Variants in SYK observed in about 807,000 individuals in gnomAD.
SYK encodes the protein tyrosine-protein kinase SYK.
A neutral mutation model predicts 77.8 loss-of-function variants in SYK; 16 were observed. The observed-to-expected ratio is 0.21, with a 90% CI of 0.14 to 0.31. SYK has a LOEUF of 0.31. Among genes scored for constraint, SYK ranks in the 10% least tolerant of loss-of-function variants. SYK has a pLI of 1.00. For missense variants in SYK, 529 were observed against 814.4 expected (o/e 0.65, Z 4.26); for synonymous variants, 312 against 308.7 (o/e 1.01, Z -0.11).
Position 90,895,894 on chromosome 9 carries a change from C to T in SYK, c.*294C>T. On this transcript the variant is annotated 3_prime_UTR_variant, in exon 14 of 14. Transcript: ENST00000375754. The surrounding 1 kb of genome is among the most constrained non-coding windows in gnomAD (Gnocchi z 4.4). Reference sequence around the variant, plus strand: ...ATTTTTACGATCTGTTTCCAAATCCCTTTCATGTCTTTCCACTTCTCTGGG... The same window carrying T: ...ATTTTTACGATCTGTTTCCAAATCCTTTTCATGTCTTTCCACTTCTCTGGG... The T allele has an allele frequency of 2.5e-6, 1 of 399,914 alleles. No individual in the cohort carries two copies. Among genetic ancestry groups the T allele is most frequent in the Non-Finnish European group, 4.7e-6 (1 of 213,020 alleles). 24.8% of individuals were successfully genotyped at this position (399,914 alleles called of 1,614,324 possible).
At chr9:90,874,423 T>A (rs955501630) in intron 8 of SYK, 132 bp downstream of exon 8, 13 of 984,160 alleles carry the variant, frequency 1.3e-5, no homozygotes, top group Middle Eastern at 4.7e-4. Context: ...ATGGAAACAC[T>A]CACATCTAGT....
At chr9:90,804,110 T>G (rs958602527) in intron 1 of SYK, among the ~76,000 whole-genome samples, 1 of 152,170 alleles carries the variant, frequency 6.6e-6, no homozygotes, top group Non-Finnish European at 1.5e-5. Flanking sequence ...GGTTTGCTTT[T>G]AAAAGGAAAG....
intron 3 of SYK, among the ~76,000 whole-genome samples, chr9:90,846,039 GGAGTAGCATCCAT>G (rs1826579691): frequency 6.6e-6 from 1 of 152,180 alleles, no homozygotes; most frequent in Non-Finnish European, 1.5e-5. Context: ...AAAGTTCCTG[GGAGTAGCATCCAT>G]GAGTGGTGAG....
At chr9:90,858,089 T>C (rs769723333) in intron 3 of SYK, among the ~76,000 whole-genome samples, 9 of 152,112 alleles carry the variant, frequency 5.9e-5, no homozygotes, top group Non-Finnish European at 1.3e-4. Context: ...ATCCTCACTT[T>C]CCCCTTGGTG....
Position 90,845,505 on chromosome 9 carries a change from T to C in SYK, c.489T>C (p.His163=). The C allele has an allele frequency of 6.2e-7, 1 of 1,614,110 alleles. No individual in the cohort carries two copies. Among genetic ancestry groups the C allele is most frequent in the Non-Finnish European group, 8.5e-7 (1 of 1,180,018 alleles). The stretch of plus-strand genomic sequence containing the variant: ...AGAAGCTGATCGCTACCACAGCCCA[T>C]GAAAAAATGCCTTGGTTCCATGGAA... ...QLEKLIATTA[H]EKMPWFHGKI... The change falls in exon 3 of 14, where the codon CAT becomes CAC. Residue 163 remains histidine (H), a synonymous_variant. Transcript: ENST00000375754.
chr9:90,878,710 G>T, intron 10 of SYK, 54 bp from the exon 11 acceptor site: 1 of 1,495,430 alleles, frequency 6.7e-7, no homozygotes, highest in Non-Finnish European at 9.2e-7. Context: ...ATGGTTGTTT[G>T]TTGTGAAATG....
At chr9:90,842,152 GTGT>G (rs944054373) in intron 1 of SYK, among the ~76,000 whole-genome samples, 12 of 151,666 alleles carry the variant, frequency 7.9e-5, no homozygotes, top group East Asian at 1.9e-4. Context: ...TGTGCAGTGT[GTGT>G]TGTTTGTAGT....
intron 13 of SYK, among the ~76,000 whole-genome samples, chr9:90,891,854 G>A (rs1828806025): frequency 6.6e-6 from 1 of 152,164 alleles, no homozygotes; most frequent in African/African-American, 2.4e-5. Flanking sequence ...GTCCCTCACT[G>A]CAGGCATTGT....
chr9:90,843,438 G>T (rs1285991867), intron 1 of SYK, among the ~76,000 whole-genome samples: 1 of 152,294 alleles, frequency 6.6e-6, no homozygotes, highest in African/African-American at 2.4e-5. Context: ...CTCTAACATT[G>T]TCTGGACTCA....
intron 13 of SYK, among the ~76,000 whole-genome samples, chr9:90,890,452 C>T (rs1828744877): frequency 6.6e-6 from 1 of 152,208 alleles, no homozygotes; most frequent in African/African-American, 2.4e-5. Context: ...AGAACAGTCT[C>T]CTTAAGAGAG....
At chr9:90,803,677 TTG>T (rs1420904452) in intron 1 of SYK, among the ~76,000 whole-genome samples, 3 of 152,154 alleles carry the variant, frequency 2.0e-5, no homozygotes, top group African/African-American at 7.2e-5. Context: ...ATTTAGCACA[TTG>T]TTTGCCCATG....
At position 90,862,264 on chromosome 9, in the gene SYK, G is replaced by A. The variant is rs2118784422; in HGVS notation, c.637G>A (p.Val213Met). The A allele has an allele frequency of 1.2e-6, 2 of 1,614,164 alleles. No homozygotes were observed. Among genetic ancestry groups the A allele is most frequent in the Non-Finnish European group, 1.7e-6 (2 of 1,180,004 alleles). ...CCTGTGCCTGCTGCACGAAGGGAAG[G>A]TGCTGCACTATCGCATCGACAAAGA... Reference protein sequence around the residue: ...YALCLLHEGKVLHYRIDKDKT... With the variant: ...YALCLLHEGKMLHYRIDKDKT... Residue 213 changes from valine (V) to methionine (M), a missense_variant, in exon 4 of 14, where the codon GTG becomes ATG. Val to Met is a conservative substitution (Grantham distance 21). Transcript: ENST00000375754.
At chr9:90,837,161 G>T (rs557393403) in intron 1 of SYK, among the ~76,000 whole-genome samples, 1 of 152,012 alleles carries the variant, frequency 6.6e-6, no homozygotes, top group Admixed American at 6.6e-5. Context: ...CTACAGGGTG[G>T]GTGGTCAGCA....
intron 6 of SYK, among the ~76,000 whole-genome samples, chr9:90,866,371 C>T (rs1246228652): frequency 2.6e-5 from 4 of 152,250 alleles, no homozygotes; most frequent in Admixed American, 1.3e-4. Flanking sequence ...ACAGGGGAGG[C>T]TGTCCAGGGG....
chr9:90,809,232 G>C (rs3789891), intron 1 of SYK, among the ~76,000 whole-genome samples: 2 of 152,036 alleles, frequency 1.3e-5, no homozygotes, highest in Admixed American at 6.6e-5. Context: ...GGATACCGAG[G>C]GTCCAAATTC....
At chr9:90,825,548 G>A (rs148629635) in intron 1 of SYK, among the ~76,000 whole-genome samples, 2 of 152,210 alleles carry the variant, frequency 1.3e-5, no homozygotes, top group African/African-American at 4.8e-5. Flanking sequence ...AGAAAGTAAA[G>A]GTAAATTAAG....
Position 90,877,914 on chromosome 9 carries a change from C to T in SYK, c.1391+134C>T, listed in dbSNP as rs373094742. On this transcript the variant is annotated intron_variant, in intron 10 of 13. Coordinates refer to ENST00000375754, the MANE Select transcript of SYK (RefSeq NM_003177.7). ...GTGCCTTCCTTTATTGGTCCATACT[C>T]AGGGACCTTGACAGAGGGACAGGGA... 1.1e-4 allele frequency: 94 copies of T among 818,516 alleles called. No homozygotes were observed. The African/African-American group carries it at 1.4e-3, about 12-fold the overall frequency. The allele number at this position is 818,516 out of a possible 1,614,324, so 50.7% of individuals were successfully genotyped here. A position where few individuals can be genotyped will look rare whatever the true frequency, so the allele number is the denominator to read the frequency against.
At chr9:90,858,844 T>C (rs1827140640) in intron 3 of SYK, among the ~76,000 whole-genome samples, 1 of 152,206 alleles carries the variant, frequency 6.6e-6, no homozygotes, top group South Asian at 2.1e-4. Flanking sequence ...CCAGGCCACA[T>C]GTCCATGGTC....
At chr9:90,887,677 A>G in intron 11 of SYK, 72 bp from the exon 12 acceptor site, 1 of 1,492,620 alleles carries the variant, frequency 6.7e-7, no homozygotes, top group South Asian at 1.3e-5. Context: ...TGCTGGGATT[A>G]CAGGCATGAA....
Sources: allele counts gnomAD v4.1 joint callset (sites outside exome capture counted in the v4.1 genomes callset), GRCh38; gene constraint gnomAD v4.1.1; non-coding constraint Gnocchi (gnomAD v3.1); transcripts MANE v1.5; gene names NCBI Gene and HGNC (gene_info 2026-07-23, HGNC 2026-07-21).